CNTN4: variants seen among roughly 807,000 people sequenced by gnomAD.
CNTN4 encodes the protein contactin 4.
Under a neutral mutation model 122.5 loss-of-function variants are expected in CNTN4, and 77 were observed. The observed-to-expected ratio is 0.63, with a 90% confidence interval of 0.52 to 0.76. The LOEUF (loss-of-function observed/expected upper bound fraction) is 0.76, where lower values mean the gene tolerates loss of function less well. Ranked by LOEUF, CNTN4 falls within the 30% of genes least tolerant of loss-of-function variation. The pLI, the probability that CNTN4 is intolerant of heterozygous loss-of-function variation, is 0.00. For synonymous variants in CNTN4, 512 were observed against 447.0 expected, an observed-to-expected ratio of 1.15 and a Z score of -1.83; for missense variants, 1,256 against 1,259.1, an observed-to-expected ratio of 1.00 and a Z score of 0.04.
chr3:3,000,728 A>G (rs1438824766), intron 14 of CNTN4, among the ~76,000 whole-genome samples: 1 of 152,062 alleles, frequency 6.6e-6, no homozygotes, highest in Non-Finnish European at 1.5e-5. Context: ...CATATATCCC[A>G]CCCAACTCTG....
At chr3:2,526,907 G>C (rs1471628304) in intron 3 of CNTN4, among the ~76,000 whole-genome samples, 1 of 152,084 alleles carries the variant, frequency 6.6e-6, no homozygotes, top group Admixed American at 6.6e-5. Context: ...TTGATAACTG[G>C]TTTGCTTAGC....
intron 2 of CNTN4, among the ~76,000 whole-genome samples, chr3:2,335,800 GTAT>G (rs2043931862): frequency 1.3e-5 from 2 of 152,014 alleles, no homozygotes; most frequent in African/African-American, 4.8e-5. Context: ...ATCAACTGAG[GTAT>G]CATTAGATAT....
At chr3:2,502,804 C>A (rs936878801) in intron 3 of CNTN4, among the ~76,000 whole-genome samples, 3 of 152,102 alleles carry the variant, frequency 2.0e-5, no homozygotes, top group African/African-American at 7.2e-5. Context: ...ACAGCTAGAA[C>A]TTTGGTGTCC....
chr3:3,025,360 AT>A (rs1698640376), intron 14 of CNTN4, among the ~76,000 whole-genome samples: 1 of 152,186 alleles, frequency 6.6e-6, no homozygotes. Context: ...AAAATGTCTA[AT>A]AAAATTTGCT....
chr3:2,392,593 A>G (rs1200914463), intron 3 of CNTN4, among the ~76,000 whole-genome samples: 5 of 152,184 alleles, frequency 3.3e-5, no homozygotes, highest in Non-Finnish European at 7.4e-5. Context: ...AAGTGATTAA[A>G]TCAGGATAAT....
At chr3:2,782,536 C>G (rs999216202) in intron 6 of CNTN4, among the ~76,000 whole-genome samples, 1 of 147,112 alleles carries the variant, frequency 6.8e-6, no homozygotes, top group African/African-American at 2.5e-5. Flanking sequence ...AAGGAAACCA[C>G]AGTTTCTAAA....
intron 3 of CNTN4, among the ~76,000 whole-genome samples, chr3:2,487,814 G>A (rs1275976621): frequency 6.6e-6 from 1 of 152,162 alleles, no homozygotes; most frequent in African/African-American, 2.4e-5. Flanking sequence ...GGCACATAGA[G>A]TTGAAAGGAA....
chr3:2,411,446 A>T (rs929926876), intron 3 of CNTN4, among the ~76,000 whole-genome samples: 2 of 152,198 alleles, frequency 1.3e-5, no homozygotes, highest in Non-Finnish European at 2.9e-5. Context: ...TAACTAAGAG[A>T]ATCCTAGTTT....
At chr3:2,417,950 G>C (rs1291310279) in intron 3 of CNTN4, among the ~76,000 whole-genome samples, 6 of 152,148 alleles carry the variant, frequency 3.9e-5, no homozygotes, top group African/African-American at 1.4e-4. Flanking sequence ...ACTATGGGAA[G>C]AGTAAAAAGA....
At chr3:2,378,724 C>T (rs1334904773) in intron 3 of CNTN4, among the ~76,000 whole-genome samples, 2 of 150,680 alleles carry the variant, frequency 1.3e-5, no homozygotes, top group Non-Finnish European at 2.9e-5. Context: ...CTTGACATTT[C>T]AAGCTTAGCT....
chr3:2,311,578 G>T (rs2042918105), intron 2 of CNTN4, among the ~76,000 whole-genome samples: 3 of 152,048 alleles, frequency 2.0e-5, no homozygotes, highest in Admixed American at 6.6e-5. Flanking sequence ...ATGCAGCTGT[G>T]CACCTGTGAG....
At chr3:2,505,434 A>T (rs1181371467) in intron 3 of CNTN4, among the ~76,000 whole-genome samples, 1 of 152,188 alleles carries the variant, frequency 6.6e-6, no homozygotes, top group South Asian at 2.1e-4. Flanking sequence ...TTCAAATGGA[A>T]TGTTCTATAG....
At chr3:2,355,930 G>A (rs1285431915) in intron 3 of CNTN4, among the ~76,000 whole-genome samples, 1 of 152,190 alleles carries the variant, frequency 6.6e-6, no homozygotes, top group Non-Finnish European at 1.5e-5. Context: ...GTTTATCCCT[G>A]GTTAGTATAT....
intron 8 of CNTN4, among the ~76,000 whole-genome samples, chr3:2,882,365 C>G (rs2093921983): frequency 7.1e-6 from 1 of 140,220 alleles, no homozygotes. Context: ...GACTTCGTCT[C>G]GAAAAAAAAA....
At chr3:2,340,695 A>ATG (rs1266740282) in intron 3 of CNTN4, among the ~76,000 whole-genome samples, 2 of 81,320 alleles carry the variant, frequency 2.5e-5, no homozygotes, top group African/African-American at 8.2e-5. Context: ...TTATATATAT[A>ATG]TATATATATA....
chr3:3,039,217 A>C, intron 19 of CNTN4: 2 of 546,582 alleles, frequency 3.7e-6, no homozygotes, highest in Non-Finnish European at 6.6e-6. Flanking sequence ...AATCCATCAC[A>C]GTAAAAACAA....
At chr3:2,242,393 T>A (rs1278018602) in intron 2 of CNTN4, among the ~76,000 whole-genome samples, 3 of 152,100 alleles carry the variant, frequency 2.0e-5, no homozygotes, top group Admixed American at 6.6e-5. Context: ...TAGAAAGGAT[T>A]CATTAGGAAA....
intron 3 of CNTN4, among the ~76,000 whole-genome samples, chr3:2,449,696 G>T (rs933871707): frequency 6.6e-6 from 1 of 151,932 alleles, no homozygotes; most frequent in Non-Finnish European, 1.5e-5. Context: ...TCCAGAAGTG[G>T]TATTGCTGGA....
chr3:2,620,544 G>T (rs1291397376), intron 4 of CNTN4, among the ~76,000 whole-genome samples: 1 of 151,854 alleles, frequency 6.6e-6, no homozygotes, highest in African/African-American at 2.4e-5. Flanking sequence ...AGAAATCTAG[G>T]TTATAGAATA....
Sources: gnomAD v4.1 joint callset for allele counts (sites outside exome capture counted in the v4.1 genomes callset) on GRCh38, gnomAD v4.1.1 for gene constraint, MANE v1.5 for transcripts, NCBI Gene and HGNC (gene_info 2026-07-23, HGNC 2026-07-21) for gene names.